Variants in RALGPS1 observed in about 807,000 individuals in gnomAD.
RALGPS1 encodes Ral GEF with PH domain and SH3 binding motif 1, also known as ras-specific guanine nucleotide-releasing factor RalGPS1.
In RALGPS1, 19 loss-of-function variants were observed where a neutral mutation model predicts 78.8. The ratio of observed to expected loss-of-function variants is 0.24; its 90% CI spans 0.17 to 0.35. The LOEUF is 0.35. Among genes scored for constraint, RALGPS1 ranks in the 10% least tolerant of loss-of-function variants. The probability of loss-of-function intolerance (pLI) is 1.00; values close to 1 mark genes in which losing one functional copy is unlikely to be tolerated. For missense variants in RALGPS1, 454 were observed against 688.3 expected (o/e 0.66, Z 3.81); for synonymous variants, 228 against 256.3 (o/e 0.89, Z 1.06).
At chr9:127,108,549 G>T (rs762628264) in intron 8 of RALGPS1, 2 of 1,613,262 alleles carry the variant, frequency 1.2e-6, no homozygotes, top group African/African-American at 2.7e-5. Context: ...CCCGCTGCTG[G>T]GGCACAATGA....
chr9:127,211,320 G>A lies in RALGPS1; in HGVS notation c.1248-811G>A, dbSNP rs184721943. Among the ~76,000 whole-genome samples the A allele has an allele frequency of 2.0e-5, 3 of 152,324 alleles. No individual in the cohort carries two copies. The highest frequency in any genetic ancestry group is 2.0e-4 in the Admixed American group (3 of 15,306). ...GGAGGCACTGGCCGGTGTGGACCCA[G>A]GAAGGCCCGTGGAGCGCACTGGGCA... On this transcript the variant is annotated intron_variant, in intron 14 of 18. Coordinates refer to ENST00000259351, the MANE Select transcript of RALGPS1 (RefSeq NM_014636.3). This position sits in a 1 kb window ranked among gnomAD's most constrained non-coding sequence, Gnocchi z 5.0.
rs140849660 is a variant in RALGPS1 at position 127,218,372 on chromosome 9, G to A, written c.1645-368G>A. ...TGTCTCTCTGCCCCAAGCGCAGTTTGATTTTCACTGAAGGAGATAGGTTAA... is the reference window on the plus strand; with the variant it reads ...TGTCTCTCTGCCCCAAGCGCAGTTTAATTTTCACTGAAGGAGATAGGTTAA... On this transcript the variant is annotated intron_variant, in intron 18 of 18. Transcript: ENST00000259351. The surrounding 1 kb of genome is among the most constrained non-coding windows in gnomAD (Gnocchi z 4.4). Among the ~76,000 whole-genome samples the A allele has an allele frequency of 2.2e-3, 334 of 152,302 alleles. No homozygotes were observed. The highest frequency in any genetic ancestry group is 0.017 in the Middle Eastern group (5 of 294).
chr9:127,037,339 C>T (rs1038543656), intron 5 of RALGPS1, among the ~76,000 whole-genome samples: 1 of 152,190 alleles, frequency 6.6e-6, no homozygotes, highest in African/African-American at 2.4e-5. Context: ...TAGTCTAGGC[C>T]GTGCTGCTAA....
At chr9:127,062,284 G>A (rs2049283728) in intron 7 of RALGPS1, among the ~76,000 whole-genome samples, 1 of 152,070 alleles carries the variant, frequency 6.6e-6, no homozygotes, top group African/African-American at 2.4e-5. Context: ...TTTTTTAGTA[G>A]AGACGGGGTT....
At chr9:127,021,394 G>A (rs149400272) in intron 4 of RALGPS1, among the ~76,000 whole-genome samples, 3 of 151,864 alleles carry the variant, frequency 2.0e-5, no homozygotes, top group Admixed American at 6.6e-5. Context: ...CCAGCTACTC[G>A]GGAGGCTGAG....
At chr9:126,931,080 C>T (rs1238761025) in intron 1 of RALGPS1, among the ~76,000 whole-genome samples, 2 of 152,224 alleles carry the variant, frequency 1.3e-5, no homozygotes, top group Non-Finnish European at 2.9e-5. Flanking sequence ...ACCCAGGTTC[C>T]TTCTAAGTCC....
chr9:127,092,035 T>C, intron 8 of RALGPS1: 2 of 1,481,410 alleles, frequency 1.4e-6, no homozygotes, highest in Admixed American at 2.0e-5. Flanking sequence ...TAGAGGGGCC[T>C]GGGAAACAAG....
chr9:127,031,607 G>T (rs1470199608), intron 4 of RALGPS1, among the ~76,000 whole-genome samples: 1 of 152,198 alleles, frequency 6.6e-6, no homozygotes, highest in African/African-American at 2.4e-5. Flanking sequence ...TTCATATTTA[G>T]TACTGAAGGA....
chr9:127,198,021 C>G (rs1037558267), intron 13 of RALGPS1, among the ~76,000 whole-genome samples: 1 of 152,242 alleles, frequency 6.6e-6, no homozygotes, highest in Non-Finnish European at 1.5e-5. Flanking sequence ...TGAGCTGCGC[C>G]TGAGTCCAGG....
At chr9:126,976,828 A>G (rs895471287) in intron 3 of RALGPS1, among the ~76,000 whole-genome samples, 3 of 152,196 alleles carry the variant, frequency 2.0e-5, no homozygotes, top group African/African-American at 7.2e-5. Flanking sequence ...ACATGGAGGT[A>G]GGTGGATCAC....
chr9:127,043,431 AC>A lies in RALGPS1; in HGVS notation c.301-6610del, dbSNP rs567046593. ...AAAAAAAAAATGAACCTAGACACAG[AC>A]CTTAGACCTTTCCTAAAAATTAATT... On this transcript the variant is annotated intron_variant, in intron 5 of 18. Coordinates refer to ENST00000259351, the MANE Select transcript of RALGPS1 (RefSeq NM_014636.3). 9.2e-5 allele frequency among the ~76,000 whole-genome samples: 14 copies of A among 151,932 alleles called. No individual in the cohort carries two copies. The South Asian group carries it at 2.9e-3, about 32-fold the overall frequency.
intron 4 of RALGPS1, among the ~76,000 whole-genome samples, chr9:127,023,825 C>T (rs2045700801): frequency 6.6e-6 from 1 of 152,120 alleles, no homozygotes; most frequent in African/African-American, 2.4e-5. Context: ...CATCTGACGT[C>T]AGGATTTGGA....
At chr9:126,997,746 A>G (rs541522001) in intron 4 of RALGPS1, among the ~76,000 whole-genome samples, 2 of 152,340 alleles carry the variant, frequency 1.3e-5, no homozygotes, top group South Asian at 2.1e-4. Flanking sequence ...AGCTGGAGGC[A>G]TCATGCTACC....
At position 127,091,134 on chromosome 9, in the gene RALGPS1, C is replaced by T. The variant is rs1289560188; in HGVS notation, c.610+21778C>T. On this transcript the variant is annotated intron_variant, in intron 8 of 18. Coordinates refer to ENST00000259351, the MANE Select transcript of RALGPS1 (RefSeq NM_014636.3). This position sits in a 1 kb window ranked among gnomAD's most constrained non-coding sequence, Gnocchi z 4.3. Reference sequence around the variant, plus strand: ...CCCTCGCTATGTGCCAAATCCTAGACAAAGCACTTTAGGTACATTCTCTCT... The same window carrying T: ...CCCTCGCTATGTGCCAAATCCTAGATAAAGCACTTTAGGTACATTCTCTCT... Among the ~76,000 whole-genome samples the T allele has an allele frequency of 6.6e-6, 1 of 152,264 alleles. No individual in the cohort carries two copies. Among genetic ancestry groups the T allele is most frequent in the Non-Finnish European group, 1.5e-5 (1 of 68,048 alleles).
intron 1 of RALGPS1, among the ~76,000 whole-genome samples, chr9:126,936,145 T>C (rs949918285): frequency 2.6e-5 from 4 of 152,210 alleles, no homozygotes; most frequent in African/African-American, 9.6e-5. Context: ...GCCTCAGGCA[T>C]GCTAAGGCAG....
At chr9:127,120,946 C>T (rs913400143) in intron 8 of RALGPS1, among the ~76,000 whole-genome samples, 1 of 152,108 alleles carries the variant, frequency 6.6e-6, no homozygotes, top group East Asian at 1.9e-4. Context: ...GTGCACCAGG[C>T]ACTAAGCCAA....
intron 4 of RALGPS1, among the ~76,000 whole-genome samples, chr9:126,999,465 C>T (rs1193505561): frequency 2.6e-5 from 4 of 152,212 alleles, no homozygotes; most frequent in African/African-American, 9.6e-5. Flanking sequence ...CTAAAATCCT[C>T]TGTGCCCCAC....
chr9:127,189,404 G>T (rs2060896191), intron 11 of RALGPS1, among the ~76,000 whole-genome samples: 1 of 152,124 alleles, frequency 6.6e-6, no homozygotes, highest in South Asian at 2.1e-4. Flanking sequence ...TCCTGAGAAG[G>T]TGCTGGGCAG....
At chr9:126,972,161 C>G (rs1445886597) in intron 3 of RALGPS1, among the ~76,000 whole-genome samples, 2 of 152,270 alleles carry the variant, frequency 1.3e-5, no homozygotes, top group East Asian at 3.9e-4. Flanking sequence ...GGGTTTGTGG[C>G]AAACGGACTC....
Sources: gnomAD v4.1 joint callset for allele counts (sites outside exome capture counted in the v4.1 genomes callset) on GRCh38, gnomAD v4.1.1 for gene constraint, Gnocchi (gnomAD v3.1) non-coding constraint, MANE v1.5 for transcripts, NCBI Gene and HGNC (gene_info 2026-07-23, HGNC 2026-07-21) for gene names.